TTC28: variants seen among roughly 807,000 people sequenced by gnomAD.
TTC28 encodes tetratricopeptide repeat domain 28.
A neutral mutation model predicts 198.0 loss-of-function variants in TTC28; 61 were observed. The ratio of observed to expected loss-of-function variants is 0.31; its 90% confidence interval spans 0.25 to 0.38. The LOEUF is 0.38. Among genes scored for constraint, TTC28 ranks in the 10% least tolerant of loss-of-function variants. The pLI is 1.00. For synonymous variants in TTC28, 1,171 were observed against 1,297.8 expected, an observed-to-expected ratio of 0.90 and a Z score of 2.10; for missense variants, 2,678 against 3,164.0, an observed-to-expected ratio of 0.85 and a Z score of 3.69.
chr22:28,575,994 T>C (rs2050142145), intron 2 of TTC28, among the ~76,000 whole-genome samples: 1 of 152,150 alleles, frequency 6.6e-6, no homozygotes, highest in Non-Finnish European at 1.5e-5. Context: ...TTTTTATTTC[T>C]TTCTCTTGTC....
At chr22:27,992,825 C>T in intron 18 of TTC28, 162 bp from the exon 19 acceptor site, 2 of 701,444 alleles carry the variant, frequency 2.9e-6, no homozygotes, top group Non-Finnish European at 4.7e-6. Flanking sequence ...TGGAAAAGGA[C>T]AGCGTGGTCT....
intron 8 of TTC28, among the ~76,000 whole-genome samples, chr22:28,101,484 G>C (rs1261740318): frequency 6.6e-6 from 1 of 152,124 alleles, no homozygotes; most frequent in African/African-American, 2.4e-5. Flanking sequence ...TCAGCCTCCG[G>C]AATACCTGGG....
In TTC28 at chr22:28,401,239, G is replaced by T. The variant is rs186978976; in HGVS notation, c.382-94596C>A. ...TGACGATGACGACGACGATGACGAC[G>T]ACGACGACGACAACTACTAACTTCT... On this transcript the variant is annotated intron_variant, in intron 2 of 22. Transcript: ENST00000397906. Among the ~76,000 whole-genome samples the T allele has an allele frequency of 4.6e-5, 7 of 151,840 alleles. No homozygotes were observed. In the East Asian group the frequency reaches 1.2e-3, roughly 25 times the overall value.
chr22:28,599,609 C>T (rs189750824), intron 2 of TTC28, among the ~76,000 whole-genome samples: 15 of 152,134 alleles, frequency 9.9e-5, no homozygotes, highest in Admixed American at 7.2e-4. Flanking sequence ...GGCAAAATAG[C>T]GAGACCCCCA....
At chr22:28,473,271 A>G (rs1452825518) in intron 2 of TTC28, among the ~76,000 whole-genome samples, 2 of 152,210 alleles carry the variant, frequency 1.3e-5, no homozygotes, top group Non-Finnish European at 2.9e-5. Flanking sequence ...CTCAGAATGT[A>G]ACTGTATTTG....
Position 28,099,211 on chromosome 22 carries a change from C to T in TTC28, c.3418-167G>A, listed in dbSNP as rs536276375. On this transcript the variant is annotated intron_variant, in intron 9 of 22. Coordinates refer to ENST00000397906, the MANE Select transcript of TTC28 (RefSeq NM_001145418.2). ...GGTGTAAGGAAAAATGGATGTGCTG[C>T]GGTCAAGAATAGGCCGAGGCAGACA... 8.5e-5 allele frequency among the ~76,000 whole-genome samples: 13 copies of T among 152,304 alleles called. No homozygotes were observed. The South Asian group carries it at 1.4e-3, about 17-fold the overall frequency.
intron 6 of TTC28, among the ~76,000 whole-genome samples, chr22:28,156,727 C>A (rs1317438693): frequency 1.3e-5 from 2 of 152,124 alleles, no homozygotes; most frequent in African/African-American, 4.8e-5. Flanking sequence ...GAAGTCAGAG[C>A]TGGTGAATAT....
chr22:28,412,782 G>A (rs2047102311), intron 2 of TTC28, among the ~76,000 whole-genome samples: 1 of 152,204 alleles, frequency 6.6e-6, no homozygotes, highest in Non-Finnish European at 1.5e-5. Flanking sequence ...CTTAGTGACA[G>A]AAAAGGGAGG....
intron 2 of TTC28, among the ~76,000 whole-genome samples, chr22:28,360,333 G>A (rs1485151570): frequency 6.6e-6 from 1 of 152,222 alleles, no homozygotes; most frequent in Admixed American, 6.5e-5. Context: ...GGGATCCTGG[G>A]TAGAACACTG....
At chr22:28,193,875 C>G (rs1925136331) in intron 5 of TTC28, among the ~76,000 whole-genome samples, 1 of 152,112 alleles carries the variant, frequency 6.6e-6, no homozygotes, top group Admixed American at 6.5e-5. Context: ...TTAGACACAT[C>G]AACGAGACAG....
Position 27,982,934 on chromosome 22 carries a change from C to T in TTC28, c.6733G>A (p.Val2245Met), listed in dbSNP as rs1368107574. The change falls in exon 23 of 23, where the codon GTG (valine) becomes ATG (methionine). Residue 2245 changes from valine to methionine, a missense_variant. Physicochemically the swap from Val to Met is conservative, Grantham distance 21 (BLOSUM62 1). Around this residue, in one of 8 missense-constraint regions of TTC28, gnomAD observed 622 missense variants for 656.0 expected, o/e 0.95. Transcript: ENST00000397906. The surrounding 1 kb of genome is among the most constrained non-coding windows in gnomAD (Gnocchi z 5.2). ...GTGGGGCTGCTATATCCGGAACTCACCTTGGGCAGGGAGGAGCTCCTGGCT... is the reference window on the plus strand; with the variant it reads ...GTGGGGCTGCTATATCCGGAACTCATCTTGGGCAGGGAGGAGCTCCTGGCT... ...PPARSSSLPK[V>M]SSGYSSPTTS... 4 of 1,551,516 alleles carry T rather than the reference C, an allele frequency of 2.6e-6. No homozygotes were observed. The highest frequency in any genetic ancestry group is 1.4e-5 in the African/African-American group (1 of 73,008).
intron 2 of TTC28, among the ~76,000 whole-genome samples, chr22:28,587,087 T>C (rs564622973): frequency 6.6e-6 from 1 of 152,224 alleles, no homozygotes; most frequent in Non-Finnish European, 1.5e-5. Flanking sequence ...CCGGGTATGG[T>C]GGCGGGCGCC....
chr22:28,456,522 T>G (rs571198001), intron 2 of TTC28, among the ~76,000 whole-genome samples: 81 of 152,188 alleles, frequency 5.3e-4, no homozygotes, highest in Admixed American at 1.4e-3. Context: ...TTTCCCCAAT[T>G]CCTCCCCCAA....
intron 2 of TTC28, among the ~76,000 whole-genome samples, chr22:28,608,582 G>A (rs111623460): frequency 0.017 from 2,616 of 152,160 alleles, 41 homozygotes; most frequent in South Asian, 0.047. Context: ...AATATCCCTC[G>A]GAATCTAAAA....
chr22:28,094,720 G>C (rs889208370), intron 11 of TTC28, among the ~76,000 whole-genome samples: 15 of 152,108 alleles, frequency 9.9e-5, no homozygotes, highest in Non-Finnish European at 1.8e-4. Context: ...TAGTATAAAG[G>C]CCAGATAAAA....
intron 7 of TTC28, among the ~76,000 whole-genome samples, chr22:28,106,596 A>G (rs562260349): frequency 6.6e-6 from 1 of 152,264 alleles, no homozygotes; most frequent in South Asian, 2.1e-4. Context: ...GCATTCTCCT[A>G]TTATCAGGTG....
chr22:28,638,354 A>T (rs1011455859), intron 1 of TTC28, among the ~76,000 whole-genome samples: 3 of 152,118 alleles, frequency 2.0e-5, no homozygotes, highest in Non-Finnish European at 4.4e-5. Flanking sequence ...TTTGAAATAA[A>T]ATTATAAAAT....
At chr22:28,074,830 T>A (rs931473557) in intron 12 of TTC28, among the ~76,000 whole-genome samples, 1 of 152,238 alleles carries the variant, frequency 6.6e-6, no homozygotes, top group Non-Finnish European at 1.5e-5. Context: ...CCAGGCGCAG[T>A]GGCTCACGCC....
At position 28,358,192 on chromosome 22, in the gene TTC28, G is replaced by A. The variant is rs192365856; in HGVS notation, c.382-51549C>T. ...AGCAAGAATAGAGCATTTTTTGGTC[G>A]AACTAATATGCATGTGTTACAACCA... On this transcript the variant is annotated intron_variant, in intron 2 of 22. Coordinates refer to ENST00000397906, the MANE Select transcript of TTC28 (RefSeq NM_001145418.2). Among the ~76,000 whole-genome samples the A allele has an allele frequency of 1.6e-4, 25 of 152,084 alleles. No individual in the cohort carries two copies. The East Asian group carries it at 2.3e-3, about 14-fold the overall frequency.
Sources: allele counts gnomAD v4.1 joint callset (sites outside exome capture counted in the v4.1 genomes callset), GRCh38; gene constraint gnomAD v4.1.1; regional missense constraint gnomAD v4.1.1; non-coding constraint Gnocchi (gnomAD v3.1); transcripts MANE v1.5; gene names NCBI Gene and HGNC (gene_info 2026-07-23, HGNC 2026-07-21).